The following CSMD1 variants were observed in gnomAD, a reference collection of about 807,000 sequenced individuals.
The protein encoded by CSMD1 is CUB and Sushi multiple domains 1.
CSMD1 carries 213 observed loss-of-function variants against 417.5 expected under a neutral mutation model. The observed-to-expected ratio is 0.51, with a 90% CI of 0.46 to 0.57. The LOEUF is 0.57. CSMD1 is among the 20% of genes least tolerant of loss of function. The probability of loss-of-function intolerance (pLI) is 0.00; values close to 1 mark genes in which losing one functional copy is unlikely to be tolerated. For synonymous variants in CSMD1, 2,862 were observed against 1,736.8 expected (o/e 1.65, Z -16.11); for missense variants, 6,923 against 4,529.7 (o/e 1.53, Z -15.17).
In CSMD1 at chr8:4,025,149, T is replaced by C. The variant is rs1393539982; in HGVS notation, c.610+6756A>G. On this transcript the variant is annotated intron_variant, in intron 4 of 69. Coordinates refer to ENST00000635120, the MANE Select transcript of CSMD1 (RefSeq NM_033225.6). The stretch of plus-strand genomic sequence containing the variant: ...GAGATGTTGAGACTGTAATTTTCCA[T>C]GGATGTGAGCTCCTGTGAAGAAATG... Among the ~76,000 whole-genome samples the C allele has an allele frequency of 2.6e-5, 4 of 152,338 alleles. 1 individual carries two copies. Among genetic ancestry groups the C allele is most frequent in the African/African-American group, 9.6e-5 (4 of 41,588 alleles).
intron 26 of CSMD1, among the ~76,000 whole-genome samples, chr8:3,265,661 G>A (rs1405044643): frequency 6.6e-6 from 1 of 152,192 alleles, no homozygotes; most frequent in Non-Finnish European, 1.5e-5. Context: ...CCAACATGAG[G>A]TCGTGCTAGG....
At chr8:4,421,934 G>A (rs1017580006) in intron 2 of CSMD1, among the ~76,000 whole-genome samples, 1 of 151,842 alleles carries the variant, frequency 6.6e-6, no homozygotes, top group African/African-American at 2.4e-5. Context: ...AGTTTCAGAA[G>A]GTACAAAGAG....
intron 1 of CSMD1, among the ~76,000 whole-genome samples, chr8:4,826,646 C>G (rs927494538): frequency 6.6e-6 from 1 of 152,108 alleles, no homozygotes; most frequent in African/African-American, 2.4e-5. Context: ...CAGGCACTTG[C>G]ACCTCACTCT....
At chr8:3,021,166 C>T (rs1331842236) in intron 51 of CSMD1, among the ~76,000 whole-genome samples, 1 of 152,212 alleles carries the variant, frequency 6.6e-6, no homozygotes, top group Non-Finnish European at 1.5e-5. Context: ...CCACCTCCCT[C>T]TGCTCGTATG....
intron 3 of CSMD1, among the ~76,000 whole-genome samples, chr8:4,233,267 TA>T (rs1801852942): frequency 6.6e-6 from 1 of 152,250 alleles, no homozygotes; most frequent in African/African-American, 2.4e-5. Flanking sequence ...AGCTTCTTTG[TA>T]TGCAGAAGTG....
intron 3 of CSMD1, among the ~76,000 whole-genome samples, chr8:4,261,972 A>T (rs187572617): frequency 6.6e-6 from 1 of 152,310 alleles, no homozygotes; most frequent in Non-Finnish European, 1.5e-5. Flanking sequence ...TAAAACCTGA[A>T]GTCTGTCATT....
chr8:3,190,275 G>A (rs980240595), intron 33 of CSMD1, among the ~76,000 whole-genome samples, 160 bp from the exon 34 acceptor site: 1 of 102,010 alleles, frequency 9.8e-6, no homozygotes, highest in African/African-American at 4.0e-5. Flanking sequence ...GAGGCGCTGG[G>A]ACCACGCAGA....
At chr8:3,020,811 T>G (rs559569779) in intron 51 of CSMD1, among the ~76,000 whole-genome samples, 220 of 152,304 alleles carry the variant, frequency 1.4e-3, no homozygotes, top group Non-Finnish European at 2.5e-3. Flanking sequence ...CTATTGTTAT[T>G]GAGACAGCCT....
At chr8:4,380,532 G>A (rs1241022028) in intron 3 of CSMD1, among the ~76,000 whole-genome samples, 6 of 152,216 alleles carry the variant, frequency 3.9e-5, no homozygotes, top group South Asian at 2.1e-4. Flanking sequence ...CCAAGGAGAC[G>A]TGACGACTAA....
intron 5 of CSMD1, among the ~76,000 whole-genome samples, chr8:3,951,261 T>G (rs1197842631): frequency 1.3e-5 from 2 of 151,994 alleles, no homozygotes; most frequent in Admixed American, 1.3e-4. Context: ...GAGGCCAGAG[T>G]GGATTTCCTC....
intron 1 of CSMD1, among the ~76,000 whole-genome samples, chr8:4,691,666 G>A (rs987409130): frequency 6.6e-6 from 1 of 152,140 alleles, no homozygotes; most frequent in African/African-American, 2.4e-5. Context: ...GGAGTGAAAG[G>A]AACATCTACC....
chr8:3,005,916 G>C (rs542300910), intron 52 of CSMD1, among the ~76,000 whole-genome samples: 8 of 152,096 alleles, frequency 5.3e-5, no homozygotes, highest in Non-Finnish European at 1.0e-4. Context: ...CGGAAGTTCT[G>C]GCCAGGGCAA....
intron 12 of CSMD1, among the ~76,000 whole-genome samples, chr8:3,423,949 C>G (rs980466437): frequency 6.6e-6 from 1 of 152,132 alleles, no homozygotes; most frequent in Non-Finnish European, 1.5e-5. Flanking sequence ...CTATTTTTGG[C>G]TACTTACAAA....
chr8:3,985,317 G>C (rs112627743), intron 5 of CSMD1, among the ~76,000 whole-genome samples: 6 of 152,252 alleles, frequency 3.9e-5, no homozygotes, highest in Admixed American at 1.3e-4. Flanking sequence ...TTTAAAGCAG[G>C]CATATATGTT....
intron 3 of CSMD1, among the ~76,000 whole-genome samples, chr8:4,308,173 T>C (rs1250065115): frequency 2.6e-5 from 4 of 152,186 alleles, no homozygotes; most frequent in South Asian, 2.1e-4. Flanking sequence ...TGTTCCTCAA[T>C]ATCTCTGTGA....
chr8:4,686,620 T>C (rs1382245), intron 1 of CSMD1, among the ~76,000 whole-genome samples: 86,186 of 152,078 alleles, frequency 0.57, 24,563 homozygotes, highest in Admixed American at 0.67. Flanking sequence ...TCTGGCTACC[T>C]CTTCATCAAA....
intron 1 of CSMD1, among the ~76,000 whole-genome samples, chr8:4,931,878 T>C (rs553643879): frequency 6.6e-6 from 1 of 152,328 alleles, no homozygotes; most frequent in Admixed American, 6.5e-5. Context: ...AGTTTATTGA[T>C]TGTTATATGG....
At chr8:3,942,826 G>A (rs912129732) in intron 5 of CSMD1, among the ~76,000 whole-genome samples, 1 of 152,118 alleles carries the variant, frequency 6.6e-6, no homozygotes, top group Admixed American at 6.6e-5. Context: ...AACCATAAGG[G>A]CAATGATTGA....
chr8:3,560,759 T>A (rs1049295774), intron 10 of CSMD1, among the ~76,000 whole-genome samples: 6 of 152,172 alleles, frequency 3.9e-5, no homozygotes, highest in African/African-American at 1.2e-4. Flanking sequence ...CAGGAGAACT[T>A]TTTTGGCTAT....
Sources: gnomAD v4.1 joint callset for allele counts (sites outside exome capture counted in the v4.1 genomes callset) on GRCh38, gnomAD v4.1.1 for gene constraint, MANE v1.5 for transcripts, NCBI Gene and HGNC (gene_info 2026-07-23, HGNC 2026-07-21) for gene names.